PLS1: variants seen among roughly 807,000 people sequenced by gnomAD.
The protein encoded by PLS1 is plastin-1.
In PLS1, 32 loss-of-function variants were observed where a neutral mutation model predicts 73.7. That is an observed-to-expected ratio of 0.43 (90% CI 0.33 to 0.58). The LOEUF (loss-of-function observed/expected upper bound fraction) is 0.58. Ranked by LOEUF, PLS1 falls within the 20% of genes least tolerant of loss-of-function variation. PLS1 has a pLI of 0.04. For synonymous variants in PLS1, 217 were observed against 261.3 expected (o/e 0.83, Z 1.63); for missense variants, 633 against 740.5 (o/e 0.85, Z 1.68).
chr3:142,673,506 G>A (rs1048912429), intron 4 of PLS1: 3 of 152,128 alleles, frequency 2.0e-5, no homozygotes, highest in African/African-American at 4.8e-5. Flanking sequence ...AATTCTCGTA[G>A]GCATATACTT....
chr3:142,668,827 C>T (rs2037536990), intron 2 of PLS1, among the ~76,000 whole-genome samples: 1 of 152,004 alleles, frequency 6.6e-6, no homozygotes, highest in African/African-American at 2.4e-5. Flanking sequence ...ATCTCAAACT[C>T]CTGACCTCAG....
intron 6 of PLS1, among the ~76,000 whole-genome samples, chr3:142,680,059 G>A (rs1363768224): frequency 6.6e-6 from 1 of 152,124 alleles, no homozygotes; most frequent in Non-Finnish European, 1.5e-5. Flanking sequence ...GTTCACTCAT[G>A]ATTTGGCTCT....
intron 1 of PLS1, among the ~76,000 whole-genome samples, chr3:142,661,548 CAATTT>C (rs2037370423): frequency 6.6e-6 from 1 of 152,036 alleles, no homozygotes; most frequent in Non-Finnish European, 1.5e-5. Context: ...GGGCTTCACA[CAATTT>C]AATTTTTCAA....
At chr3:142,602,636 A>G (rs991316521) in intron 1 of PLS1, among the ~76,000 whole-genome samples, 1 of 151,448 alleles carries the variant, frequency 6.6e-6, no homozygotes, top group Non-Finnish European at 1.5e-5. Context: ...TTGACCTGTG[A>G]GAAAATGTGC....
At chr3:142,706,680 C>A (rs2038469137) in intron 14 of PLS1, among the ~76,000 whole-genome samples, 1 of 151,910 alleles carries the variant, frequency 6.6e-6, no homozygotes, top group Admixed American at 6.6e-5. Flanking sequence ...AGGCAGTACT[C>A]AAGGTGTGAT....
chr3:142,607,161 TA>T (rs918794929), intron 1 of PLS1, among the ~76,000 whole-genome samples: 2 of 151,328 alleles, frequency 1.3e-5, no homozygotes, highest in African/African-American at 4.9e-5. Flanking sequence ...TGTAGTGACT[TA>T]AAAAAAAACC....
chr3:142,651,817 G>C (rs1265794036), intron 1 of PLS1, among the ~76,000 whole-genome samples: 1 of 152,146 alleles, frequency 6.6e-6, no homozygotes, highest in Non-Finnish European at 1.5e-5. Flanking sequence ...TAAAAATATT[G>C]ATCTCTGACT....
chr3:142,707,151 T>TA (rs766129295), intron 14 of PLS1, among the ~76,000 whole-genome samples: 7 of 152,162 alleles, frequency 4.6e-5, no homozygotes, highest in Non-Finnish European at 1.0e-4. Flanking sequence ...TGCTTAATGA[T>TA]AAAATCTTTA....
At chr3:142,608,146 C>A (rs1005063975) in intron 1 of PLS1, among the ~76,000 whole-genome samples, 2 of 152,258 alleles carry the variant, frequency 1.3e-5, no homozygotes, top group East Asian at 3.9e-4. Flanking sequence ...CCCACTATGC[C>A]TGGCTGGGAA....
Position 142,704,020 on chromosome 3 carries a change from G to A in PLS1, c.1505+19G>A, listed in dbSNP as rs753509604. 9 of 1,608,104 alleles carry A rather than the reference G, an allele frequency of 5.6e-6. No homozygotes were observed. The highest frequency in any genetic ancestry group is 7.7e-6 in the Non-Finnish European group (9 of 1,176,154). On this transcript the variant is annotated intron_variant, in intron 13 of 15. Coordinates refer to ENST00000457734, the MANE Select transcript of PLS1 (RefSeq NM_001145319.2). Reference sequence around the variant, plus strand: ...TGAGAAGGTAAAGGCTGATATGTTGGTAGCAACACTGCCTGTTTCCTCCAA... The same window carrying A: ...TGAGAAGGTAAAGGCTGATATGTTGATAGCAACACTGCCTGTTTCCTCCAA...
chr3:142,709,351 C>T (rs892610080), intron 14 of PLS1, among the ~76,000 whole-genome samples: 1 of 152,122 alleles, frequency 6.6e-6, no homozygotes, highest in Admixed American at 6.6e-5. Context: ...TTACCAGCAT[C>T]AGATAGACTT....
intron 1 of PLS1, among the ~76,000 whole-genome samples, chr3:142,609,442 T>A (rs1458312342): frequency 6.6e-6 from 1 of 152,194 alleles, no homozygotes; most frequent in Admixed American, 6.5e-5. Flanking sequence ...CGTACAGCTC[T>A]GAAATGCTTT....
intron 1 of PLS1, among the ~76,000 whole-genome samples, chr3:142,649,028 C>G (rs1479854425): frequency 6.6e-6 from 1 of 152,102 alleles, no homozygotes; most frequent in Non-Finnish European, 1.5e-5. Flanking sequence ...TCTTTACATG[C>G]AATACTTTAG....
At chr3:142,628,994 T>A (rs73000161) in intron 1 of PLS1, among the ~76,000 whole-genome samples, 2,634 of 152,318 alleles carry the variant, frequency 0.017, 65 homozygotes, top group African/African-American at 0.061. Context: ...GGACCCAGCC[T>A]TAGATTGAAT....
chr3:142,646,799 C>T (rs1447388962), intron 1 of PLS1, among the ~76,000 whole-genome samples: 1 of 152,136 alleles, frequency 6.6e-6, no homozygotes, highest in East Asian at 1.9e-4. Flanking sequence ...TAAATGTTAC[C>T]AGAATCAGGT....
At chr3:142,622,213 T>C (rs1220103958) in intron 1 of PLS1, among the ~76,000 whole-genome samples, 1 of 152,228 alleles carries the variant, frequency 6.6e-6, no homozygotes, top group African/African-American at 2.4e-5. Flanking sequence ...AATACAGATG[T>C]CCTTTAAAAT....
chr3:142,703,982 G>T lies in PLS1; in HGVS notation c.1486G>T (p.Val496Leu). The T allele has an allele frequency of 6.2e-7, 1 of 1,614,002 alleles. No individual in the cohort carries two copies. Among genetic ancestry groups the T allele is most frequent in the South Asian group, 1.1e-5 (1 of 91,074 alleles). The stretch of plus-strand genomic sequence containing the variant: ...GAATTCAACACTTACCCTGGCATTG[G>T]TATGGCAGCTGATGAGAAGGTAAAG... ...EGNSTLTLAL[V>L]WQLMRRYTLN... The change falls in exon 13 of 16, where the codon GTA (valine) becomes TTA (leucine). Residue 496 changes from valine to leucine, a missense_variant. Physicochemically the swap from Val to Leu is conservative, Grantham distance 32. Coordinates refer to ENST00000457734, the MANE Select transcript of PLS1 (RefSeq NM_001145319.2).
At chr3:142,623,678 C>T (rs1456422751) in intron 1 of PLS1, 1 of 152,044 alleles carries the variant, frequency 6.6e-6, no homozygotes, top group Admixed American at 6.6e-5. Context: ...TTTTTAAATG[C>T]ATTCTTGCTT....
intron 1 of PLS1, among the ~76,000 whole-genome samples, chr3:142,658,844 A>G (rs1359118830): frequency 6.6e-6 from 1 of 152,224 alleles, no homozygotes; most frequent in African/African-American, 2.4e-5. Flanking sequence ...TTTTAGTGTT[A>G]AGTAGTCATC....
Sources: gnomAD v4.1 joint callset for allele counts (sites outside exome capture counted in the v4.1 genomes callset) on GRCh38, gnomAD v4.1.1 for gene constraint, MANE v1.5 for transcripts, NCBI Gene and HGNC (gene_info 2026-07-23, HGNC 2026-07-21) for gene names.